AKAP6: variants seen among roughly 807,000 people sequenced by gnomAD.
The protein encoded by AKAP6 is A-kinase anchor protein 6.
In AKAP6, 58 loss-of-function variants were observed where a neutral mutation model predicts 188.5. The observed-to-expected ratio is 0.31, with a 90% CI of 0.25 to 0.38. The LOEUF (loss-of-function observed/expected upper bound fraction) is 0.38, where lower values mean the gene tolerates loss of function less well. AKAP6 is among the 10% of genes least tolerant of loss of function. The probability of loss-of-function intolerance (pLI) is 1.00; values close to 1 mark genes in which losing one functional copy is unlikely to be tolerated. For missense variants in AKAP6, 2,710 were observed against 2,740.0 expected, an observed-to-expected ratio of 0.99 and a Z score of 0.24; for synonymous variants, 989 against 998.6, an observed-to-expected ratio of 0.99 and a Z score of 0.18.
chr14:32,596,070 C>T (rs1399955376), intron 5 of AKAP6, among the ~76,000 whole-genome samples: 4 of 152,096 alleles, frequency 2.6e-5, no homozygotes, highest in African/African-American at 9.7e-5. Context: ...ACTCAGTGCA[C>T]CTGGCAAAAC....
rs752377246 is a variant in AKAP6, at chr14:32,546,089, C to A, written c.1436C>A (p.Ser479Tyr). 1.2e-6 allele frequency: 2 copies of A among 1,614,070 alleles called. No individual in the cohort carries two copies. The highest frequency in any genetic ancestry group is 1.1e-5 in the South Asian group (1 of 91,086). ...GTCAAATTTCACATTAAAGAAATTT[C>A]TTCCAGCCTGGGAAGGCTTAACGAC... The part of the protein sequence containing the change: ...NTVKFHIKEI[S>Y]SSLGRLNDCY... The change falls in exon 4 of 14, where the codon TCT (serine) becomes TAT (tyrosine). Residue 479 changes from serine to tyrosine, a missense_variant. By Grantham distance (144) the Ser-to-Tyr change is moderately radical (BLOSUM62 -2). Coordinates refer to ENST00000280979, the MANE Select transcript of AKAP6 (RefSeq NM_004274.5).
At chr14:32,707,173 ATTAAC>A (rs1890843947) in intron 9 of AKAP6, among the ~76,000 whole-genome samples, 3 of 146,806 alleles carry the variant, frequency 2.0e-5, no homozygotes, top group South Asian at 4.3e-4. Context: ...TATACAAAGT[ATTAAC>A]TTATTTAATT....
At chr14:32,801,124 C>A (rs937509520) in intron 12 of AKAP6, among the ~76,000 whole-genome samples, 1 of 152,090 alleles carries the variant, frequency 6.6e-6, no homozygotes, top group Non-Finnish European at 1.5e-5. Flanking sequence ...ATTATTTAGA[C>A]CCTTCATATT....
chr14:32,717,951 A>G (rs959318277), intron 9 of AKAP6, among the ~76,000 whole-genome samples: 4 of 152,124 alleles, frequency 2.6e-5, no homozygotes, highest in Non-Finnish European at 5.9e-5. Context: ...GTTCAAGAGT[A>G]GGGTTCTTAA....
At chr14:32,754,151 G>A (rs1348336810) in intron 11 of AKAP6, among the ~76,000 whole-genome samples, 3 of 151,952 alleles carry the variant, frequency 2.0e-5, no homozygotes, top group Non-Finnish European at 4.4e-5. Flanking sequence ...CTTCGTTTCT[G>A]TCAATATTTG....
chr14:32,803,300 A>G (rs916439231), intron 12 of AKAP6, among the ~76,000 whole-genome samples: 2 of 151,738 alleles, frequency 1.3e-5, no homozygotes, highest in African/African-American at 2.4e-5. Context: ...AACAAAACAA[A>G]TATTTTTGAT....
rs1014698501 is a variant in AKAP6, at chr14:32,353,328, C to T, written c.-35+23920C>T. 7.9e-5 allele frequency among the ~76,000 whole-genome samples: 12 copies of T among 152,116 alleles called. 1 individual carries two copies. Among genetic ancestry groups the T allele is most frequent in the South Asian group, 4.1e-4 (2 of 4,822 alleles). On this transcript the variant is annotated intron_variant, in intron 1 of 13. Transcript: ENST00000280979. Reference sequence around the variant, plus strand: ...CTGTAATCCCAGCACTTTGGGAAGCCGAGGTGGGCAGACATGAGGTCAGGA... The same window carrying T: ...CTGTAATCCCAGCACTTTGGGAAGCTGAGGTGGGCAGACATGAGGTCAGGA...
At chr14:32,375,812 CAA>C (rs1234365702) in intron 1 of AKAP6, 5 of 152,110 alleles carry the variant, frequency 3.3e-5, no homozygotes, top group African/African-American at 1.2e-4. Context: ...GATTTTGAGC[CAA>C]AGTCATTCAG....
chr14:32,709,785 C>T (rs1890964023), intron 9 of AKAP6, among the ~76,000 whole-genome samples: 1 of 152,024 alleles, frequency 6.6e-6, no homozygotes, highest in Admixed American at 6.6e-5. Flanking sequence ...AGCCAGAATC[C>T]ATGCTCTGTA....
In AKAP6 at chr14:32,732,650, T is replaced by A. The variant is rs765420388; in HGVS notation, c.3147+50T>A. 5.0e-6 allele frequency: 8 copies of A among 1,590,736 alleles called. No homozygotes were observed. In the East Asian group the frequency reaches 1.6e-4, roughly 31 times the overall value. On this transcript the variant is annotated intron_variant, in intron 10 of 13. Coordinates refer to ENST00000280979, the MANE Select transcript of AKAP6 (RefSeq NM_004274.5). ...GTAGGTTATGTGTACATTTTTTGCG[T>A]AGTGAAGTACTCTGTCCGATTTCTA...
rs146762408 is a variant in AKAP6, at chr14:32,806,008, A to T, written c.3589-15394A>T. Among the ~76,000 whole-genome samples, 171 of 152,338 alleles carry T rather than the reference A, an allele frequency of 1.1e-3. 2 individuals are homozygous for T. The highest frequency in any genetic ancestry group is 3.8e-3 in the African/African-American group (158 of 41,584). ...ATAGCCTTAGTACTATTAATGTATC[A>T]CTGCTGATTATGCAAATATTGGATT... On this transcript the variant is annotated intron_variant, in intron 12 of 13. Coordinates refer to ENST00000280979, the MANE Select transcript of AKAP6 (RefSeq NM_004274.5).
At chr14:32,692,882 T>C (rs1016939376) in intron 8 of AKAP6, among the ~76,000 whole-genome samples, 1 of 152,280 alleles carries the variant, frequency 6.6e-6, no homozygotes, top group East Asian at 1.9e-4. Context: ...ACTCACACTT[T>C]CCTAGAAAAG....
chr14:32,782,100 G>T (rs1373362613), intron 12 of AKAP6, among the ~76,000 whole-genome samples: 2 of 149,406 alleles, frequency 1.3e-5, no homozygotes, highest in East Asian at 2.1e-4. Flanking sequence ...GGGTGGTGGA[G>T]GTTGCAGTGA....
chr14:32,783,039 G>A (rs1311260908), intron 12 of AKAP6, among the ~76,000 whole-genome samples: 1 of 152,000 alleles, frequency 6.6e-6, no homozygotes, highest in Non-Finnish European at 1.5e-5. Context: ...AAGAAAGTAT[G>A]GCATTGCTGT....
At chr14:32,591,837 G>T (rs995633741) in intron 5 of AKAP6, among the ~76,000 whole-genome samples, 1 of 152,100 alleles carries the variant, frequency 6.6e-6, no homozygotes, top group Non-Finnish European at 1.5e-5. Context: ...ACTTCATTTT[G>T]TTGGGGAAAT....
chr14:32,341,979 TC>T (rs1289062592), intron 1 of AKAP6, among the ~76,000 whole-genome samples: 14 of 152,326 alleles, frequency 9.2e-5, no homozygotes, highest in Admixed American at 7.8e-4. Context: ...GTCACTGCAC[TC>T]TATCCTGGGT....
chr14:32,588,513 C>A (rs1040386413), intron 5 of AKAP6, among the ~76,000 whole-genome samples: 24 of 152,164 alleles, frequency 1.6e-4, no homozygotes, highest in African/African-American at 5.1e-4. Context: ...TTCTCTAAGT[C>A]CTGAAAAATG....
At chr14:32,789,058 T>A (rs929123122) in intron 12 of AKAP6, among the ~76,000 whole-genome samples, 1 of 152,148 alleles carries the variant, frequency 6.6e-6, no homozygotes, top group Non-Finnish European at 1.5e-5. Flanking sequence ...ACAAACCGTA[T>A]GAACAAGGAA....
intron 9 of AKAP6, among the ~76,000 whole-genome samples, chr14:32,706,431 A>C (rs1023042694): frequency 2.6e-5 from 4 of 152,036 alleles, no homozygotes; most frequent in Admixed American, 6.6e-5. Flanking sequence ...AGATTCAGGA[A>C]AGCTAAGGAT....
Sources: allele counts gnomAD v4.1 joint callset (sites outside exome capture counted in the v4.1 genomes callset), GRCh38; gene constraint gnomAD v4.1.1; transcripts MANE v1.5; gene names NCBI Gene and HGNC (gene_info 2026-07-23, HGNC 2026-07-21).